The following CDC42BPA variants were observed in gnomAD, a reference collection of about 807,000 sequenced individuals.
The protein encoded by CDC42BPA is CDC42 binding protein kinase alpha.
A neutral mutation model predicts 223.5 loss-of-function variants in CDC42BPA; 80 were observed. That is an observed-to-expected ratio of 0.36 (90% CI 0.30 to 0.43). CDC42BPA has a LOEUF of 0.43. CDC42BPA is among the 20% of genes least tolerant of loss of function. The pLI is 1.00. For missense variants in CDC42BPA, 1,743 were observed against 2,099.9 expected (o/e 0.83, Z 3.32); for synonymous variants, 694 against 718.6 (o/e 0.97, Z 0.55).
chr1:227,073,923 G>A lies in CDC42BPA; in HGVS notation c.2676C>T (p.Ala892=). ...LQSALDAEIR[A]KQAIQEELNK... is the part of the protein sequence containing the mutation. ...TCAACTCTTCTTGGATGGCCTGTTT[G>A]GCTCTTATTTCTGCATCCAGAGCCG... Residue 892 remains alanine, a synonymous_variant, in exon 19 of 37, where the codon GCC becomes GCT. Coordinates refer to ENST00000366766, the MANE Select transcript of CDC42BPA (RefSeq NM_001394014.1). 6.2e-7 allele frequency: 1 copy of A among 1,610,998 alleles called. No individual in the cohort carries two copies. Among genetic ancestry groups the A allele is most frequent in the Non-Finnish European group, 8.5e-7 (1 of 1,179,178 alleles).
chr1:227,246,664 T>C (rs1181627896), intron 2 of CDC42BPA, among the ~76,000 whole-genome samples: 2 of 151,318 alleles, frequency 1.3e-5, no homozygotes, highest in Admixed American at 6.6e-5. Context: ...CACTGTGTTA[T>C]TGGCCTTTGA....
intron 12 of CDC42BPA, among the ~76,000 whole-genome samples, chr1:227,116,330 G>C (rs888696545): frequency 6.6e-6 from 1 of 152,092 alleles, no homozygotes; most frequent in African/African-American, 2.4e-5. Context: ...TATCAATAGA[G>C]CACAGAAGGG....
At chr1:227,033,522 C>T in intron 26 of CDC42BPA, 107 bp from the exon 27 acceptor site, 1 of 631,216 alleles carries the variant, frequency 1.6e-6, no homozygotes, top group South Asian at 2.2e-5. Flanking sequence ...CACCAAACAC[C>T]CAAATTTAAT....
rs74403860 is a variant in CDC42BPA, at chr1:227,130,386, G to A, written c.1391-1155C>T. Among the ~76,000 whole-genome samples, 680 of 152,206 alleles carry A rather than the reference G, an allele frequency of 4.5e-3. 18 individuals are homozygous for A. The highest frequency in any genetic ancestry group is 0.035 in the East Asian group (182 of 5,176). On this transcript the variant is annotated intron_variant, in intron 10 of 36. Transcript: ENST00000366766. ...ATAAGATATACTAGATTGTGCATCT[G>A]ATGTTGATTTTCTGCATCCTATAAG...
At chr1:227,279,991 G>A (rs1687746843) in intron 1 of CDC42BPA, among the ~76,000 whole-genome samples, 1 of 152,090 alleles carries the variant, frequency 6.6e-6, no homozygotes, top group Non-Finnish European at 1.5e-5. Flanking sequence ...CTGGGAGGTG[G>A]AGGTTGCAGT....
chr1:227,021,403 G>T (rs977199092), intron 32 of CDC42BPA, among the ~76,000 whole-genome samples: 1 of 152,082 alleles, frequency 6.6e-6, no homozygotes, highest in South Asian at 2.1e-4. Context: ...ACTTCACGGG[G>T]TATCCATCTC....
At chr1:227,016,803 G>A (rs895671248) in intron 33 of CDC42BPA, 124 bp downstream of exon 33, 3 of 920,788 alleles carry the variant, frequency 3.3e-6, no homozygotes, top group Admixed American at 2.9e-5. Context: ...TGCAGTTTTT[G>A]ACACCACAGA....
intron 2 of CDC42BPA, among the ~76,000 whole-genome samples, chr1:227,243,252 C>G (rs1432437170): frequency 3.3e-5 from 5 of 152,280 alleles, no homozygotes; most frequent in East Asian, 1.9e-4. Flanking sequence ...ATGAAATAAT[C>G]TGTACAACAA....
intron 22 of CDC42BPA, among the ~76,000 whole-genome samples, chr1:227,049,133 A>G (rs1455243451): frequency 6.6e-6 from 1 of 152,032 alleles, no homozygotes; most frequent in East Asian, 1.9e-4. Context: ...CATATGAAAG[A>G]TAAAAGAGAG....
chr1:227,011,235 T>G (rs1272751518), intron 34 of CDC42BPA, among the ~76,000 whole-genome samples: 1 of 152,192 alleles, frequency 6.6e-6, no homozygotes, highest in African/African-American at 2.4e-5. Flanking sequence ...TCTTGCCAGT[T>G]ACTTAAATAG....
At chr1:227,054,940 TA>T (rs1000549883) in intron 21 of CDC42BPA, among the ~76,000 whole-genome samples, 2 of 151,906 alleles carry the variant, frequency 1.3e-5, no homozygotes, top group South Asian at 2.1e-4. Context: ...ATTTTTCCTA[TA>T]AAAAATATTA....
At chr1:227,230,820 C>CTTTTTTTTTTTTTTTTTTTTTTTTT (rs1198828997) in intron 2 of CDC42BPA, among the ~76,000 whole-genome samples, 2 of 91,604 alleles carry the variant, frequency 2.2e-5, no homozygotes, top group African/African-American at 8.7e-5. Flanking sequence ...TTCTTTCTTT[C>CTTTTTTTTTTTTTTTTTTTTTTTTT]TTTTTTTTTT....
At chr1:227,007,233 T>C (rs1462224171) in intron 34 of CDC42BPA, among the ~76,000 whole-genome samples, 1 of 152,238 alleles carries the variant, frequency 6.6e-6, no homozygotes, top group Non-Finnish European at 1.5e-5. Context: ...TAGAATGCTA[T>C]AGGCTACCAT....
intron 6 of CDC42BPA, among the ~76,000 whole-genome samples, chr1:227,159,681 C>CT (rs1663499019): frequency 6.6e-6 from 1 of 151,348 alleles, no homozygotes; most frequent in African/African-American, 2.4e-5. Flanking sequence ...AAAACTGTGG[C>CT]ATATAAACTT....
chr1:227,186,736 A>AAAGC (rs1389581418), intron 5 of CDC42BPA, among the ~76,000 whole-genome samples: 1 of 152,202 alleles, frequency 6.6e-6, no homozygotes, highest in Non-Finnish European at 1.5e-5. Context: ...AAAAGAGCTC[A>AAAGC]AAGCAGTCTG....
chr1:227,294,579 G>A lies in CDC42BPA; in HGVS notation c.178+22426C>T, dbSNP rs1352482716. 1.8e-3 allele frequency among the ~76,000 whole-genome samples: 137 copies of A among 74,972 alleles called. 22 individuals carry two copies. The highest frequency in any genetic ancestry group is 1.9e-3 in the East Asian group (4 of 2,136). 49.2% of individuals were successfully genotyped at this position (74,972 alleles called of 152,430 possible). On this transcript the variant is annotated intron_variant, in intron 1 of 36. Coordinates refer to ENST00000366766, the MANE Select transcript of CDC42BPA (RefSeq NM_001394014.1). The stretch of plus-strand genomic sequence containing the variant: ...AAACTGAAGCAAAAAGAGGTTAATT[G>A]GCCGGGCGCGGTGGCTCACGCCTGT...
At chr1:227,244,011 CT>C (rs1448684106) in intron 2 of CDC42BPA, among the ~76,000 whole-genome samples, 1 of 148,014 alleles carries the variant, frequency 6.8e-6, no homozygotes, top group African/African-American at 2.5e-5. Context: ...CAAAAAAAAA[CT>C]AAAGTAAAAA....
intron 32 of CDC42BPA, among the ~76,000 whole-genome samples, chr1:227,019,183 A>C (rs541861604): frequency 6.6e-6 from 1 of 152,166 alleles, no homozygotes; most frequent in East Asian, 1.9e-4. Flanking sequence ...TATTGTAAAT[A>C]TTTTCTTGTT....
At chr1:227,258,677 T>A (rs1683527003) in intron 1 of CDC42BPA, among the ~76,000 whole-genome samples, 1 of 151,010 alleles carries the variant, frequency 6.6e-6, no homozygotes, top group African/African-American at 2.5e-5. Flanking sequence ...ACTTGAATAT[T>A]TCTTATTTCT....
Sources: allele counts gnomAD v4.1 joint callset (sites outside exome capture counted in the v4.1 genomes callset), GRCh38; gene constraint gnomAD v4.1.1; transcripts MANE v1.5; gene names NCBI Gene and HGNC (gene_info 2026-07-23, HGNC 2026-07-21).